The following CRMP1 variants were observed in gnomAD, a reference collection of about 807,000 sequenced individuals.
The protein encoded by CRMP1 is dihydropyrimidinase-related protein 1.
Under a neutral mutation model 68.3 loss-of-function variants are expected in CRMP1, and 19 were observed. The ratio of observed to expected loss-of-function variants is 0.28; its 90% CI spans 0.19 to 0.41. The LOEUF is 0.41. Among genes scored for constraint, CRMP1 ranks in the 10% least tolerant of loss-of-function variants. The pLI, the probability that CRMP1 is intolerant of heterozygous loss-of-function variation, is 1.00. For synonymous variants in CRMP1, 439 were observed against 399.6 expected (o/e 1.10, Z -1.18); for missense variants, 791 against 967.4 (o/e 0.82, Z 2.42).
chr4:5,890,174 C>A lies in CRMP1; in HGVS notation c.381+2415G>T, dbSNP rs1223330850. ...CTCCCTTCCTTGGAGTTGTTAAGTC[C>A]TAGGTTCCCCGTACCAGGGCGTTCC... On this transcript the variant is annotated intron_variant, in intron 1 of 13. Transcript: ENST00000324989. This position sits in a 1 kb window ranked among gnomAD's most constrained non-coding sequence, Gnocchi z 5.5. 1.7e-5 allele frequency: 3 copies of A among 174,920 alleles called. No individual in the cohort carries two copies. The highest frequency in any genetic ancestry group is 3.7e-5 in the Non-Finnish European group (3 of 80,884). 10.8% of individuals were successfully genotyped at this position (174,920 alleles called of 1,614,324 possible).
Position 5,889,589 on chromosome 4 carries a change from G to T in CRMP1, c.381+3000C>A, listed in dbSNP as rs1255566481. ...CAGCAAGCCCCAACCTCACTGGACA[G>T]GTGCCCCAAGTTCCCAGGCAGAATA... is the stretch of plus-strand genomic sequence containing the variant. On this transcript the variant is annotated intron_variant, in intron 1 of 13. Coordinates refer to ENST00000324989, the MANE Select transcript of CRMP1 (RefSeq NM_001014809.3). This position sits in a 1 kb window ranked among gnomAD's most constrained non-coding sequence, Gnocchi z 4.5. 8 of 1,536,010 alleles carry T rather than the reference G, an allele frequency of 5.2e-6. No homozygotes were observed. Among genetic ancestry groups the T allele is most frequent in the East Asian group, 2.4e-5 (1 of 40,930 alleles).
chr4:5,843,230 C>T lies in CRMP1; in HGVS notation c.964-69G>A, dbSNP rs1481543989. 1.3e-6 allele frequency: 2 copies of T among 1,543,918 alleles called. No individual in the cohort carries two copies. Among genetic ancestry groups the T allele is most frequent in the Admixed American group, 1.7e-5 (1 of 59,790 alleles). ...AGCTGGGAGAAGTGACTCCTCCAAC[C>T]CCCTGGTTAGACAGAGGGGGCAGCT... On this transcript the variant is annotated intron_variant, in intron 6 of 13. Coordinates refer to ENST00000324989, the MANE Select transcript of CRMP1 (RefSeq NM_001014809.3). The surrounding 1 kb of genome is among the most constrained non-coding windows in gnomAD (Gnocchi z 4.1).
intron 1 of CRMP1, among the ~76,000 whole-genome samples, chr4:5,869,019 A>G (rs1714245195): frequency 6.6e-6 from 1 of 152,076 alleles, no homozygotes; most frequent in South Asian, 2.1e-4. Context: ...TGGCATGATC[A>G]TAGCTCACTG....
chr4:5,880,577 C>A (rs1033923848), intron 1 of CRMP1, among the ~76,000 whole-genome samples: 1 of 152,196 alleles, frequency 6.6e-6, no homozygotes. Context: ...ATGTGACGAT[C>A]CCACTTGTGT....
At chr4:5,887,413 T>A (rs1312014754) in intron 1 of CRMP1, 3 of 985,174 alleles carry the variant, frequency 3.0e-6, no homozygotes, top group Non-Finnish European at 3.6e-6. Flanking sequence ...TCCGCATCCC[T>A]CAGGAACAGT....
chr4:5,867,096 CT>C (rs956214851), intron 1 of CRMP1, among the ~76,000 whole-genome samples: 8 of 152,184 alleles, frequency 5.3e-5, no homozygotes, highest in African/African-American at 1.9e-4. Context: ...GCAAGCTGCA[CT>C]TTTTTTTCTA....
chr4:5,820,775 T>C lies in CRMP1; in HGVS notation c.*985A>G, dbSNP rs541940178. On this transcript the variant is annotated 3_prime_UTR_variant, in exon 14 of 14. Coordinates refer to ENST00000324989, the MANE Select transcript of CRMP1 (RefSeq NM_001014809.3). Reference sequence around the variant, plus strand: ...CACCACCACTGAAATGAAAGTGCCCTAGTCAGGTCAGTGGGCAGTTCATTT... The same window carrying C: ...CACCACCACTGAAATGAAAGTGCCCCAGTCAGGTCAGTGGGCAGTTCATTT... The C allele has an allele frequency of 6.6e-6, 1 of 151,956 alleles. No homozygotes were observed. The allele number at this position is 151,956 out of a possible 1,614,324, so 9.4% of individuals were successfully genotyped here. A position where few individuals can be genotyped will look rare whatever the true frequency, so the allele number is the denominator to read the frequency against.
At position 5,886,841 on chromosome 4, in the gene CRMP1, C is replaced by T. The variant is rs138260141; in HGVS notation, c.381+5748G>A. On this transcript the variant is annotated intron_variant, in intron 1 of 13. Transcript: ENST00000324989. Reference sequence around the variant, plus strand: ...CCATATGTGTTCTAGTGATTCTTGACCAACTAGTGTTTACGAATGGGCCGC... The same window carrying T: ...CCATATGTGTTCTAGTGATTCTTGATCAACTAGTGTTTACGAATGGGCCGC... 5.3e-5 allele frequency among the ~76,000 whole-genome samples: 8 copies of T among 152,320 alleles called. No individual in the cohort carries two copies. The East Asian group carries it at 1.4e-3, about 26-fold the overall frequency.
chr4:5,889,820 G>A lies in CRMP1; in HGVS notation c.381+2769C>T. The A allele has an allele frequency of 2.0e-6, 3 of 1,495,894 alleles. No homozygotes were observed. Among genetic ancestry groups the A allele is most frequent in the South Asian group, 1.3e-5 (1 of 78,106 alleles). The allele number at this position is 1,495,894 out of a possible 1,614,324, so 92.7% of individuals were successfully genotyped here. ...CCCCAGGGGCCAGTCCCCTAATCCA[G>A]GGCAGGAGGCCAGAGACACCTGGGC... On this transcript the variant is annotated intron_variant, in intron 1 of 13. Transcript: ENST00000324989. The surrounding 1 kb of genome is among the most constrained non-coding windows in gnomAD (Gnocchi z 4.5).
At chr4:5,857,065 CCCA>C (rs1172838903) in intron 3 of CRMP1, among the ~76,000 whole-genome samples, 4 of 137,128 alleles carry the variant, frequency 2.9e-5, no homozygotes, top group Non-Finnish European at 4.7e-5. Context: ...TCATTATCAC[CCCA>C]CCATCACCAC....
At position 5,821,975 on chromosome 4, in the gene CRMP1, G is replaced by C; in HGVS notation, c.1970-124C>G. ...CACCTTCATTCAGGGCTCAGTCCAG[G>C]ACCAGCCATGGGAAGCCTCCCTGGC... On this transcript the variant is annotated intron_variant, in intron 13 of 13. Coordinates refer to ENST00000324989, the MANE Select transcript of CRMP1 (RefSeq NM_001014809.3). This position sits in a 1 kb window ranked among gnomAD's most constrained non-coding sequence, Gnocchi z 4.4. 1.4e-6 allele frequency: 1 copy of C among 708,966 alleles called. No homozygotes were observed. The allele number at this position is 708,966 out of a possible 1,614,324, so 43.9% of individuals were successfully genotyped here. A position where few individuals can be genotyped will look rare whatever the true frequency, so the allele number is the denominator to read the frequency against.
In CRMP1 at chr4:5,821,551, A is replaced by C; in HGVS notation, c.*209T>G. The C allele has an allele frequency of 1.8e-6, 1 of 566,226 alleles. No individual in the cohort carries two copies. The highest frequency in any genetic ancestry group is 2.5e-5 in the South Asian group (1 of 40,198). The allele number at this position is 566,226 out of a possible 1,614,324, so 35.1% of individuals were successfully genotyped here. Reference sequence around the variant, plus strand: ...CACCATGCTCCGAGGTGGATTCAGCATGAACACAACTGTGGGGCAAGGAAT... The same window carrying C: ...CACCATGCTCCGAGGTGGATTCAGCCTGAACACAACTGTGGGGCAAGGAAT... On this transcript the variant is annotated 3_prime_UTR_variant, in exon 14 of 14. Transcript: ENST00000324989. The surrounding 1 kb of genome is among the most constrained non-coding windows in gnomAD (Gnocchi z 4.4).
In CRMP1 at chr4:5,889,636, C is replaced by T. The variant is rs761750163; in HGVS notation, c.381+2953G>A. On this transcript the variant is annotated intron_variant, in intron 1 of 13. Coordinates refer to ENST00000324989, the MANE Select transcript of CRMP1 (RefSeq NM_001014809.3). The surrounding 1 kb of genome is among the most constrained non-coding windows in gnomAD (Gnocchi z 4.5). ...AATAAAACACCAACCTTGTCCACCA[C>T]TTCGTTGTTCATTTTCTGCATGCGA... 1 of 1,536,184 alleles carries T rather than the reference C, an allele frequency of 6.5e-7. No homozygotes were observed. Among genetic ancestry groups the T allele is most frequent in the South Asian group, 1.2e-5 (1 of 84,066 alleles).
Position 5,841,637 on chromosome 4 carries a change from C to T in CRMP1, c.1033-209G>A, listed in dbSNP as rs544803408. 2.1e-4 allele frequency among the ~76,000 whole-genome samples: 32 copies of T among 152,316 alleles called. No individual in the cohort carries two copies. The highest frequency in any genetic ancestry group is 7.7e-4 in the East Asian group (4 of 5,182). On this transcript the variant is annotated intron_variant, in intron 7 of 13. Coordinates refer to ENST00000324989, the MANE Select transcript of CRMP1 (RefSeq NM_001014809.3). The surrounding 1 kb of genome is among the most constrained non-coding windows in gnomAD (Gnocchi z 6.9). The stretch of plus-strand genomic sequence containing the variant: ...CTGGGATACGGCAGCAACATCCAAG[C>T]GCTATACAAGTTTATAGCACTGCCT...
chr4:5,883,600 G>C lies in CRMP1; in HGVS notation c.381+8989C>G, dbSNP rs762444072. ...ACAGGCACCCTTTAGTCTTTCTTAA[G>C]TTGTTTTATGTGCATGCACTTTGTC... is the stretch of plus-strand genomic sequence containing the variant. On this transcript the variant is annotated intron_variant, in intron 1 of 13. Transcript: ENST00000324989. This position sits in a 1 kb window ranked among gnomAD's most constrained non-coding sequence, Gnocchi z 4.5. Among the ~76,000 whole-genome samples the C allele has an allele frequency of 3.7e-4, 56 of 152,048 alleles. No homozygotes were observed. The highest frequency in any genetic ancestry group is 6.8e-3 in the Middle Eastern group (2 of 294).
intron 13 of CRMP1, among the ~76,000 whole-genome samples, chr4:5,822,795 G>A (rs1393199235): frequency 6.6e-6 from 1 of 152,154 alleles, no homozygotes; most frequent in Non-Finnish European, 1.5e-5. Flanking sequence ...CAGCCTTCCT[G>A]TACTCAACTT....
Position 5,860,972 on chromosome 4 carries a change from T to G in CRMP1, c.655+54A>C. The G allele has an allele frequency of 6.4e-7, 1 of 1,563,112 alleles. No homozygotes were observed. The highest frequency in any genetic ancestry group is 8.7e-7 in the Non-Finnish European group (1 of 1,146,296). On this transcript the variant is annotated intron_variant, in intron 3 of 13. Transcript: ENST00000324989. The surrounding 1 kb of genome is among the most constrained non-coding windows in gnomAD (Gnocchi z 4.2). Reference sequence around the variant, plus strand: ...CACTGAGCACTTGTGATGCTGGTGATGGGGAGGAGACCTCACAGTCTATGT... The same window carrying G: ...CACTGAGCACTTGTGATGCTGGTGAGGGGGAGGAGACCTCACAGTCTATGT...
intron 11 of CRMP1, among the ~76,000 whole-genome samples, chr4:5,829,041 A>AGGATG (rs760788735): frequency 3.6e-4 from 53 of 149,084 alleles, no homozygotes; most frequent in Non-Finnish European, 7.3e-4. Context: ...TTTTTTCTCT[A>AGGATG]GGTTTCTAAA....
intron 6 of CRMP1, among the ~76,000 whole-genome samples, chr4:5,848,289 TCACCTGTAATACCTGTATTCC>T (rs2152462109): frequency 6.6e-6 from 1 of 152,264 alleles, no homozygotes; most frequent in African/African-American, 2.4e-5. Flanking sequence ...GGCTGTATTC[TCACCTGTAATACCTGTATTCC>T]CACCTGTAAT....
Sources: gnomAD v4.1 joint callset for allele counts (sites outside exome capture counted in the v4.1 genomes callset) on GRCh38, gnomAD v4.1.1 for gene constraint, Gnocchi (gnomAD v3.1) non-coding constraint, MANE v1.5 for transcripts, NCBI Gene and HGNC (gene_info 2026-07-23, HGNC 2026-07-21) for gene names.